RIC1: variants seen among roughly 807,000 people sequenced by gnomAD.
RIC1 encodes RIC1 partner of RAB6A GEF complex.
In RIC1, 88 loss-of-function variants were observed where a neutral mutation model predicts 169.0. That is an observed-to-expected ratio of 0.52 (90% confidence interval 0.44 to 0.62). The LOEUF is 0.62. Among genes scored for constraint, RIC1 ranks in the 20% least tolerant of loss-of-function variants. RIC1 has a pLI of 0.00. For missense variants in RIC1, 1,877 were observed against 1,725.5 expected (o/e 1.09, Z -1.56); for synonymous variants, 790 against 601.5 (o/e 1.31, Z -4.59).
intron 3 of RIC1, among the ~76,000 whole-genome samples, chr9:5,710,815 T>C (rs1336023836): frequency 6.6e-6 from 1 of 151,982 alleles, no homozygotes; most frequent in Non-Finnish European, 1.5e-5. Flanking sequence ...AAAAGTACAA[T>C]AGTAGAAATA....
chr9:5,750,329 G>A (rs1825647449), intron 12 of RIC1, among the ~76,000 whole-genome samples: 1 of 151,878 alleles, frequency 6.6e-6, no homozygotes, highest in Non-Finnish European at 1.5e-5. Flanking sequence ...TTCTGAGGGT[G>A]TTGGTTTGAT....
intron 8 of RIC1, among the ~76,000 whole-genome samples, chr9:5,742,390 G>GT (rs939263370): frequency 2.0e-5 from 3 of 151,992 alleles, no homozygotes; most frequent in Non-Finnish European, 4.4e-5. Context: ...CACCATCTTA[G>GT]TTTTTTCAGT....
In RIC1 at chr9:5,769,139, C is replaced by T; in HGVS notation, c.3307C>T (p.Arg1103Trp). Residue 1103 changes from arginine to tryptophan, a missense_variant, in exon 22 of 26, where the codon CGG becomes TGG. Arg to Trp is a moderately radical substitution (Grantham distance 101). Around this residue, in one of 3 missense-constraint regions of RIC1, gnomAD observed 681 missense variants for 582.0 expected, o/e 1.17. Coordinates refer to ENST00000414202, the MANE Select transcript of RIC1 (RefSeq NM_020829.4). Reference protein sequence around the residue: ...WLCKERTRAARVDNFVIALKR... With the variant: ...WLCKERTRAAWVDNFVIALKR... Reference sequence around the variant, plus strand: ...ATGCAAGGAACGTACCCGAGCCGCCCGGGTAGACAACTTTGTAATAGCCCT... The same window carrying T: ...ATGCAAGGAACGTACCCGAGCCGCCTGGGTAGACAACTTTGTAATAGCCCT... 1.2e-6 allele frequency: 2 copies of T among 1,614,096 alleles called. No homozygotes were observed. Among genetic ancestry groups the T allele is most frequent in the Non-Finnish European group, 1.7e-6 (2 of 1,179,976 alleles).
At position 5,661,912 on chromosome 9, in the gene RIC1, T is replaced by G. The variant is rs1563878020; in HGVS notation, c.252+5222T>G. The stretch of plus-strand genomic sequence containing the variant: ...GAGGGCATCCTTGTCTTGTGCCTTT[T>G]TTCAAGGGGAATGCTTCCAGCTTTT... On this transcript the variant is annotated intron_variant, in intron 2 of 25. Transcript: ENST00000414202. 2.0e-5 allele frequency among the ~76,000 whole-genome samples: 3 copies of G among 152,238 alleles called. No homozygotes were observed. The South Asian group carries it at 6.2e-4, about 31-fold the overall frequency.
chr9:5,762,563 T>C lies in RIC1; in HGVS notation c.2015T>C (p.Met672Thr), dbSNP rs1343935341. The C allele has an allele frequency of 3.1e-6, 5 of 1,614,060 alleles. No individual in the cohort carries two copies. Among genetic ancestry groups the C allele is most frequent in the South Asian group, 1.1e-5 (1 of 91,076 alleles). ...PQQARGAESI[M>T]LNLAGQLIMM... ...CAGGCTCGTGGTGCAGAGAGCATTA[T>C]GTTAAACCTGGCAGGACAGCTCATC... The change falls in exon 18 of 26, where the codon ATG (methionine) becomes ACG (threonine). Residue 672 changes from methionine (M) to threonine (T), a missense_variant. By Grantham distance (81) the Met-to-Thr change is moderately conservative. This residue lies in a region of RIC1 where 1,104 missense variants were observed against 992.0 expected (regional missense o/e 1.11). Coordinates refer to ENST00000414202, the MANE Select transcript of RIC1 (RefSeq NM_020829.4).
In RIC1 at chr9:5,662,203, C is replaced by G. The variant is rs536885418; in HGVS notation, c.252+5513C>G. ...AGTCTACTTGGACATGATGGATAAA[C>G]TTTTTGATGGGCTACTGGATATTTG... On this transcript the variant is annotated intron_variant, in intron 2 of 25. Transcript: ENST00000414202. 6.5e-4 allele frequency among the ~76,000 whole-genome samples: 99 copies of G among 152,216 alleles called. 1 individual carries two copies. Among genetic ancestry groups the G allele is most frequent in the African/African-American group, 2.3e-3 (94 of 41,556 alleles).
At chr9:5,699,813 TTAG>T (rs1430574595) in intron 3 of RIC1, among the ~76,000 whole-genome samples, 8 of 152,208 alleles carry the variant, frequency 5.3e-5, no homozygotes, top group African/African-American at 1.7e-4. Context: ...AGTATTAAAA[TTAG>T]TGGTGGTTTA....
intron 3 of RIC1, among the ~76,000 whole-genome samples, chr9:5,695,168 A>G (rs1291141401): frequency 2.0e-5 from 3 of 152,220 alleles, no homozygotes; most frequent in Non-Finnish European, 4.4e-5. Context: ...ATGATGAGGT[A>G]ACAAAACATA....
intron 7 of RIC1, among the ~76,000 whole-genome samples, chr9:5,732,748 T>C (rs1456732931): frequency 6.6e-6 from 1 of 152,194 alleles, no homozygotes; most frequent in Non-Finnish European, 1.5e-5. Flanking sequence ...TTAAACAGAA[T>C]AAATCAGTTA....
At chr9:5,660,542 A>G (rs1436923054) in intron 2 of RIC1, among the ~76,000 whole-genome samples, 5 of 152,188 alleles carry the variant, frequency 3.3e-5, no homozygotes, top group Admixed American at 1.3e-4. Context: ...AGTAATAGCC[A>G]TTCTGGCTTG....
downstream of RIC1, among the ~76,000 whole-genome samples, chr9:5,777,271 G>C (rs370764087): frequency 2.1e-4 from 32 of 150,084 alleles, no homozygotes; most frequent in South Asian, 1.3e-3. Context: ...TCTTCATTCT[G>C]TGGGCTTTTC....
chr9:5,726,188 A>G (rs1823969441), intron 6 of RIC1, among the ~76,000 whole-genome samples: 1 of 152,092 alleles, frequency 6.6e-6, no homozygotes, highest in African/African-American at 2.4e-5. Flanking sequence ...GTGGGAGTCT[A>G]AGTCTCTTTG....
chr9:5,728,604 C>G (rs1241929224), intron 6 of RIC1, among the ~76,000 whole-genome samples: 1 of 152,168 alleles, frequency 6.6e-6, no homozygotes, highest in Non-Finnish European at 1.5e-5. Context: ...CAGAAATCAC[C>G]CATCCTCTGC....
rs1826072343 is a variant in RIC1 at position 5,757,388 on chromosome 9, G to A, written c.1929G>A (p.Val643=). 3.1e-6 allele frequency: 5 copies of A among 1,613,974 alleles called. No individual in the cohort carries two copies. Among genetic ancestry groups the A allele is most frequent in the African/African-American group, 1.3e-5 (1 of 75,012 alleles). Residue 643 remains valine (V), a synonymous_variant, in exon 17 of 26, where the codon GTG becomes GTA. Transcript: ENST00000414202. Reference sequence around the variant, plus strand: ...GCTACATTCCTCACCCTTTCCTGGTGGTATCTGTCACTCTGACATCAGTGA... The same window carrying A: ...GCTACATTCCTCACCCTTTCCTGGTAGTATCTGTCACTCTGACATCAGTGA... ...MSRYIPHPFL[V]VSVTLTSVST...
At chr9:5,760,400 G>A (rs1420652328) in intron 17 of RIC1, among the ~76,000 whole-genome samples, 1 of 152,178 alleles carries the variant, frequency 6.6e-6, no homozygotes, top group Non-Finnish European at 1.5e-5. Flanking sequence ...CCCACTCACT[G>A]AAGAAAAGAG....
rs564955172 is a variant in RIC1, at chr9:5,754,176, A to G, written c.1602+530A>G. ...TGCACAGCAACCCAGTGAAGGCACT[A>G]CTGTTACTGATCTTTTGATGTAAAC... is the stretch of plus-strand genomic sequence containing the variant. On this transcript the variant is annotated intron_variant, in intron 14 of 25. Coordinates refer to ENST00000414202, the MANE Select transcript of RIC1 (RefSeq NM_020829.4). Among the ~76,000 whole-genome samples, 14 of 152,244 alleles carry G rather than the reference A, an allele frequency of 9.2e-5. No homozygotes were observed. In the South Asian group the frequency reaches 2.3e-3, roughly 25 times the overall value.
rs992455338 is a variant in RIC1, at chr9:5,775,626, C to T, written c.*1380C>T. 1 of 152,178 alleles carries T rather than the reference C, an allele frequency of 6.6e-6. No homozygotes were observed. Among genetic ancestry groups the T allele is most frequent in the Non-Finnish European group, 1.5e-5 (1 of 68,028 alleles). 9.4% of individuals were successfully genotyped at this position (152,178 alleles called of 1,614,324 possible). A position where few individuals can be genotyped will look rare whatever the true frequency, so the allele number is the denominator to read the frequency against. Reference sequence around the variant, plus strand: ...GTTTAGAAACAAAACTTGGTCCTCTCTCCTTGCTTTTTAAAGTAAATGGCT... The same window carrying T: ...GTTTAGAAACAAAACTTGGTCCTCTTTCCTTGCTTTTTAAAGTAAATGGCT... On this transcript the variant is annotated 3_prime_UTR_variant, in exon 26 of 26. Coordinates refer to ENST00000414202, the MANE Select transcript of RIC1 (RefSeq NM_020829.4).
At chr9:5,735,200 T>A (rs536327941) in intron 7 of RIC1, among the ~76,000 whole-genome samples, 11 of 152,072 alleles carry the variant, frequency 7.2e-5, no homozygotes, top group Non-Finnish European at 1.5e-4. Context: ...TGCCTTATTG[T>A]TTCCTCATGA....
In RIC1 at chr9:5,656,613, C is replaced by T; in HGVS notation, c.175C>T (p.Pro59Ser). The change falls in exon 2 of 26, where the codon CCT becomes TCT. Residue 59 changes from proline to serine, a missense_variant. This residue lies in a region of RIC1 where 1,104 missense variants were observed against 992.0 expected (regional missense o/e 1.11). Coordinates refer to ENST00000414202, the MANE Select transcript of RIC1 (RefSeq NM_020829.4). ...TGTGTTAATTGTAACCTACAAGGAG[C>T]CTGCAAAATCATCTACTCAGTTTGG... ...PSVLIVTYKE[P>S]AKSSTQFGSY... The T allele has an allele frequency of 6.2e-7, 1 of 1,605,296 alleles. No homozygotes were observed. The highest frequency in any genetic ancestry group is 8.5e-7 in the Non-Finnish European group (1 of 1,175,136).
Sources: allele counts gnomAD v4.1 joint callset (sites outside exome capture counted in the v4.1 genomes callset), GRCh38; gene constraint gnomAD v4.1.1; regional missense constraint gnomAD v4.1.1; transcripts MANE v1.5; gene names NCBI Gene and HGNC (gene_info 2026-07-23, HGNC 2026-07-21).